CABIN1: variants seen among roughly 807,000 people sequenced by gnomAD.
The protein encoded by CABIN1 is calcineurin binding protein 1, also known as calcineurin-binding protein cabin-1.
CABIN1 carries 133 observed loss-of-function variants against 227.7 expected under a neutral mutation model. That is an observed-to-expected ratio of 0.58 (90% CI 0.51 to 0.67). CABIN1 has a LOEUF of 0.67. Among genes scored for constraint, CABIN1 ranks in the 30% least tolerant of loss-of-function variants. The pLI, the probability that CABIN1 is intolerant of heterozygous loss-of-function variation, is 0.00. For synonymous variants in CABIN1, 1,086 were observed against 1,155.1 expected, an observed-to-expected ratio of 0.94 and a Z score of 1.21; for missense variants, 2,408 against 2,852.5, an observed-to-expected ratio of 0.84 and a Z score of 3.55.
At chr22:24,029,856 T>G (rs2036369201) in intron 1 of CABIN1, among the ~76,000 whole-genome samples, 1 of 152,192 alleles carries the variant, frequency 6.6e-6, no homozygotes, top group Non-Finnish European at 1.5e-5. Flanking sequence ...ATGCCTCAGT[T>G]CAGTATGTGT....
chr22:24,022,021 G>T (rs1032659755), intron 1 of CABIN1, among the ~76,000 whole-genome samples: 3 of 152,188 alleles, frequency 2.0e-5, no homozygotes, highest in Non-Finnish European at 4.4e-5. Context: ...AGTGTGAATT[G>T]TGCCTTTGTT....
chr22:24,168,418 C>T (rs1407899306), intron 32 of CABIN1, 29 bp from the exon 33 acceptor site: 1 of 1,557,166 alleles, frequency 6.4e-7, no homozygotes, highest in Non-Finnish European at 8.7e-7. Flanking sequence ...TGGCCTGCGC[C>T]CCCTGACTTC....
intron 29 of CABIN1, among the ~76,000 whole-genome samples, chr22:24,142,073 G>A (rs2283808): frequency 6.6e-6 from 1 of 151,938 alleles, no homozygotes; most frequent in South Asian, 2.1e-4. Flanking sequence ...ACTTTAATTC[G>A]CCACCAGTTG....
At chr22:24,037,494 C>T (rs1403819761) in intron 3 of CABIN1, among the ~76,000 whole-genome samples, 5 of 151,914 alleles carry the variant, frequency 3.3e-5, no homozygotes, top group Admixed American at 6.5e-5. Flanking sequence ...TTTGTAGAGA[C>T]AGGGGTCTCT....
intron 6 of CABIN1, among the ~76,000 whole-genome samples, chr22:24,046,659 T>G (rs2037907397): frequency 1.3e-5 from 2 of 152,202 alleles, no homozygotes; most frequent in Non-Finnish European, 2.9e-5. Context: ...CAATAGGATG[T>G]ATGTACATAT....
rs772318388 is a variant in CABIN1, at chr22:24,171,898, G to A, written c.5943G>A (p.Pro1981=). Residue 1981 remains proline, a synonymous_variant, in exon 34 of 37, where the codon CCG becomes CCA. Transcript: ENST00000263119. ...CCACAACTATTATCACCTGCCCTCC[G>A]TCAGCATCAGCTTCCACCCTGGACC... ...AAATTIITCP[P]SASASTLDQS... 3.8e-5 allele frequency: 61 copies of A among 1,613,864 alleles called. No individual in the cohort carries two copies. The highest frequency in any genetic ancestry group is 1.3e-4 in the East Asian group (6 of 44,886).
chr22:24,042,879 T>TGTGTGTGTGTGTGTGTGTGTGTGA, intron 5 of CABIN1, 25 bp from the exon 6 acceptor site: 1 of 1,450,352 alleles, frequency 6.9e-7, no homozygotes, highest in East Asian at 2.3e-5. Context: ...TGTGTGTGTT[T>TGTGTGTGTGTGTGTGTGTGTGTGA]GCCCTCTGCT....
chr22:24,073,160 A>C (rs1000803212), intron 18 of CABIN1, among the ~76,000 whole-genome samples: 12 of 152,198 alleles, frequency 7.9e-5, no homozygotes, highest in African/African-American at 2.9e-4. Context: ...GCAATGGTAG[A>C]AAGTGTGCTG....
intron 1 of CABIN1, among the ~76,000 whole-genome samples, chr22:24,018,977 C>G (rs2035500143): frequency 6.6e-6 from 1 of 151,948 alleles, no homozygotes; most frequent in South Asian, 2.1e-4. Flanking sequence ...TTTTAATTAA[C>G]TTTATTCCTA....
rs750491189 is a variant in CABIN1 at position 24,043,098 on chromosome 22, T to TGA, written c.526+15_526+16dup. 1 of 1,612,854 alleles carries TGA rather than the reference T, an allele frequency of 6.2e-7. No homozygotes were observed. Among genetic ancestry groups the TGA allele is most frequent in the African/African-American group, 1.3e-5 (1 of 74,930 alleles). On this transcript the variant is annotated intron_variant, in intron 6 of 36. Coordinates refer to ENST00000263119, the MANE Select transcript of CABIN1 (RefSeq NM_012295.4). ...GTGATTACACAAGTGAGTCATGCTT[T>TGA]GATGCTTTCTTCCATGTGCCAGTGG...
Position 24,127,822 on chromosome 22 carries a change from A to ATG in CABIN1, c.4633-6479_4633-6478insGT, listed in dbSNP as rs35155766. Among the ~76,000 whole-genome samples, 36 of 87,598 alleles carry ATG rather than the reference A, an allele frequency of 4.1e-4. No homozygotes were observed. In the South Asian group the frequency reaches 0.011, roughly 27 times the overall value. The allele number at this position is 87,598 out of a possible 152,430, so 57.5% of individuals were successfully genotyped here. On this transcript the variant is annotated intron_variant, in intron 28 of 36. Coordinates refer to ENST00000263119, the MANE Select transcript of CABIN1 (RefSeq NM_012295.4). Reference sequence around the variant, plus strand: ...CTTCAACAACTGTATTTAACTTTTCATATATATATATATATGAGTGATCTA... The same window carrying ATG: ...CTTCAACAACTGTATTTAACTTTTCATGTATATATATATATATGAGTGATCTA...
intron 24 of CABIN1, among the ~76,000 whole-genome samples, chr22:24,094,222 G>A (rs1199601331): frequency 6.6e-6 from 1 of 152,204 alleles, no homozygotes; most frequent in African/African-American, 2.4e-5. Context: ...CTGAACCTAC[G>A]TGTGGCCCTC....
chr22:24,104,381 C>T (rs1412530076), intron 26 of CABIN1, among the ~76,000 whole-genome samples: 1 of 152,188 alleles, frequency 6.6e-6, no homozygotes, highest in Non-Finnish European at 1.5e-5. Context: ...TTTCCTGGCT[C>T]AGAGGGCAGG....
At chr22:24,065,349 G>A (rs1484625232) in intron 15 of CABIN1, among the ~76,000 whole-genome samples, 11 of 146,266 alleles carry the variant, frequency 7.5e-5, no homozygotes, top group Non-Finnish European at 1.5e-4. Context: ...GGGCAGAGGC[G>A]CTCCTCACAT....
chr22:24,178,515 C>T lies in CABIN1; in HGVS notation c.*319C>T, dbSNP rs1285704756. 1.8e-4 allele frequency: 72 copies of T among 398,208 alleles called. No individual in the cohort carries two copies. The highest frequency in any genetic ancestry group is 1.6e-3 in the South Asian group (68 of 42,966). The allele number at this position is 398,208 out of a possible 1,614,324, so 24.7% of individuals were successfully genotyped here. On this transcript the variant is annotated 3_prime_UTR_variant, in exon 37 of 37. Transcript: ENST00000263119. Reference sequence around the variant, plus strand: ...CCCACACCCAGCTGGCCATATCCACCCCTCGACGCCGGGATGAGCCGGCTC... The same window carrying T: ...CCCACACCCAGCTGGCCATATCCACTCCTCGACGCCGGGATGAGCCGGCTC...
intron 1 of CABIN1, among the ~76,000 whole-genome samples, chr22:24,025,143 A>G (rs745951475): frequency 6.6e-6 from 1 of 152,118 alleles, no homozygotes; most frequent in Admixed American, 6.5e-5. Flanking sequence ...TAAGTATTAT[A>G]GTATGGATAA....
chr22:24,176,021 A>G lies in CABIN1; in HGVS notation c.6041-90A>G, dbSNP rs1477257878. ...ACTCCCCTGCCCAGTGTCCCAGGGCACAACCTGGGCCCATAGGACCTGACA... is the reference window on the plus strand; with the variant it reads ...ACTCCCCTGCCCAGTGTCCCAGGGCGCAACCTGGGCCCATAGGACCTGACA... On this transcript the variant is annotated intron_variant, in intron 34 of 36. Coordinates refer to ENST00000263119, the MANE Select transcript of CABIN1 (RefSeq NM_012295.4). The G allele has an allele frequency of 5.6e-6, 8 of 1,437,704 alleles. No homozygotes were observed. In the East Asian group the frequency reaches 2.0e-4, roughly 35 times the overall value. The allele number at this position is 1,437,704 out of a possible 1,614,324, so 89.1% of individuals were successfully genotyped here.
At position 24,178,424 on chromosome 22, in the gene CABIN1, T is replaced by C. The variant is rs904228984; in HGVS notation, c.*228T>C. 1.9e-5 allele frequency: 11 copies of C among 579,666 alleles called. No homozygotes were observed. The highest frequency in any genetic ancestry group is 3.1e-5 in the Non-Finnish European group (10 of 326,656). 35.9% of individuals were successfully genotyped at this position (579,666 alleles called of 1,614,324 possible). ...GGGGCCCGCCTTAGCCATGTGAAGG[T>C]GGATTGGTCGCCATCTGCACGCCAG... On this transcript the variant is annotated 3_prime_UTR_variant, in exon 37 of 37. Transcript: ENST00000263119.
Position 24,136,091 on chromosome 22 carries a change from C to G in CABIN1, c.4746+1676C>G, listed in dbSNP as rs1248031302. On this transcript the variant is annotated intron_variant, in intron 29 of 36. Transcript: ENST00000263119. ...CTTATCTGCATGCCCAGGCCACAGC[C>G]ACCTCCCCACAGCAGAAACTGTTTC... is the stretch of plus-strand genomic sequence containing the variant. Among the ~76,000 whole-genome samples the G allele has an allele frequency of 3.3e-5, 5 of 152,334 alleles. No homozygotes were observed. The East Asian group carries it at 9.6e-4, about 29-fold the overall frequency.
Sources: gnomAD v4.1 joint callset for allele counts (sites outside exome capture counted in the v4.1 genomes callset) on GRCh38, gnomAD v4.1.1 for gene constraint, MANE v1.5 for transcripts, NCBI Gene and HGNC (gene_info 2026-07-23, HGNC 2026-07-21) for gene names.